The following RAB1A variants were observed in gnomAD, a reference collection of about 807,000 sequenced individuals.
RAB1A encodes the protein ras-related protein Rab-1A.
RAB1A carries 2 observed loss-of-function variants against 26.0 expected under a neutral mutation model. That is an observed-to-expected ratio of 0.08 (90% CI 0.03 to 0.24). RAB1A has a LOEUF of 0.24. Ranked by LOEUF, RAB1A falls within the 10% of genes least tolerant of loss-of-function variation. The pLI is 1.00. For missense variants in RAB1A, 100 were observed against 247.0 expected (o/e 0.40, Z 3.99); for synonymous variants, 84 against 84.9 (o/e 0.99, Z 0.06).
intron 1 of RAB1A, among the ~76,000 whole-genome samples, chr2:65,122,155 C>CAAA (rs57590844): frequency 1.3e-4 from 4 of 31,710 alleles, no homozygotes; most frequent in Non-Finnish European, 2.4e-4. Flanking sequence ...GACTCTATCT[C>CAAA]AAAAAAAAAA....
At chr2:65,100,328 G>C (rs971390512) in intron 2 of RAB1A, among the ~76,000 whole-genome samples, 1 of 150,392 alleles carries the variant, frequency 6.6e-6, no homozygotes, top group African/African-American at 2.5e-5. Context: ...TTGAACCCGG[G>C]AGGTGAAGGT....
chr2:65,129,255 G>A (rs1389503189), intron 1 of RAB1A, among the ~76,000 whole-genome samples: 1 of 149,294 alleles, frequency 6.7e-6, no homozygotes, highest in Admixed American at 6.7e-5. Flanking sequence ...GAGGGCAATG[G>A]ACCCGGCGAG....
At chr2:65,104,884 C>T (rs1161136566) in intron 1 of RAB1A, 78 bp from the exon 2 acceptor site, 1 of 1,155,228 alleles carries the variant, frequency 8.7e-7, no homozygotes, top group Non-Finnish European at 1.3e-6. Context: ...AAAAACACAG[C>T]TACAAATAAC....
intron 1 of RAB1A, among the ~76,000 whole-genome samples, chr2:65,121,163 G>A (rs1429566091): frequency 1.3e-5 from 2 of 150,372 alleles, no homozygotes; most frequent in Non-Finnish European, 2.9e-5. Flanking sequence ...GAGTACAGGA[G>A]GTTGAGACTG....
chr2:65,105,796 T>C (rs1669542645), intron 1 of RAB1A, among the ~76,000 whole-genome samples: 1 of 151,720 alleles, frequency 6.6e-6, no homozygotes, highest in Non-Finnish European at 1.5e-5. Flanking sequence ...GGAGTCTTGC[T>C]CTGTCACCCA....
intron 3 of RAB1A, among the ~76,000 whole-genome samples, chr2:65,096,842 A>G (rs957105956): frequency 2.6e-5 from 4 of 152,236 alleles, no homozygotes; most frequent in Admixed American, 1.3e-4. Context: ...TGGGCATGTC[A>G]TATCATAAGT....
intron 1 of RAB1A, among the ~76,000 whole-genome samples, chr2:65,127,228 T>C (rs1319540755): frequency 6.6e-6 from 1 of 152,206 alleles, no homozygotes; most frequent in Non-Finnish European, 1.5e-5. Context: ...TTATGAGCCA[T>C]TCCTCCTTCT....
chr2:65,115,358 TA>T lies in RAB1A; in HGVS notation c.24-10553del, dbSNP rs1440754151. On this transcript the variant is annotated intron_variant, in intron 1 of 5. Coordinates refer to ENST00000409784, the MANE Select transcript of RAB1A (RefSeq NM_004161.5). ...AACTACATACTATTTTAATAACCTT[TA>T]GGGGGTGAAACAATAAAAACTTCAG... 3.3e-5 allele frequency among the ~76,000 whole-genome samples: 5 copies of T among 152,306 alleles called. No homozygotes were observed. The South Asian group carries it at 8.3e-4, about 25-fold the overall frequency.
At position 65,098,022 on chromosome 2, in the gene RAB1A, A is replaced by G; in HGVS notation, c.141T>C (p.Asp47=). Residue 47 remains aspartate, a synonymous_variant, in exon 3 of 6, where the codon GAT becomes GAC. Transcript: ENST00000409784. The stretch of plus-strand genomic sequence containing the variant: ...CTAACTCTATAGTTCTTATTTTGAA[A>G]TCCACACCAATTGTGCTGATGTAGC... ...TESYISTIGV[D]FKIRTIELDG... 6.3e-7 allele frequency: 1 copy of G among 1,584,924 alleles called. No homozygotes were observed. Among genetic ancestry groups the G allele is most frequent in the South Asian group, 1.1e-5 (1 of 87,106 alleles).
At chr2:65,114,653 C>A (rs948847178) in intron 1 of RAB1A, among the ~76,000 whole-genome samples, 4 of 151,864 alleles carry the variant, frequency 2.6e-5, no homozygotes, top group Admixed American at 6.6e-5. Context: ...ACCATCCTGG[C>A]TAACAAGGTG....
intron 1 of RAB1A, among the ~76,000 whole-genome samples, chr2:65,118,721 G>A (rs781077690): frequency 4.6e-5 from 7 of 151,824 alleles, no homozygotes; most frequent in African/African-American, 9.7e-5. Flanking sequence ...CAGGCAATCC[G>A]CCCACCTCAG....
intron 1 of RAB1A, among the ~76,000 whole-genome samples, chr2:65,127,086 C>A (rs1212419870): frequency 6.6e-6 from 1 of 152,088 alleles, no homozygotes; most frequent in Non-Finnish European, 1.5e-5. Context: ...TATAGTAGGC[C>A]AGATACCCAT....
At chr2:65,093,543 G>A (rs1379915665) in intron 3 of RAB1A, among the ~76,000 whole-genome samples, 1 of 151,272 alleles carries the variant, frequency 6.6e-6, no homozygotes, top group Non-Finnish European at 1.5e-5. Flanking sequence ...TCAAGATTTT[G>A]AAAAGACCTA....
chr2:65,112,664 T>C (rs1306480930), intron 1 of RAB1A, among the ~76,000 whole-genome samples: 1 of 152,156 alleles, frequency 6.6e-6, no homozygotes, highest in Non-Finnish European at 1.5e-5. Flanking sequence ...TAAAAACAGT[T>C]AAGGTAAGAA....
chr2:65,118,313 T>A (rs1342267420), intron 1 of RAB1A, among the ~76,000 whole-genome samples: 1 of 152,244 alleles, frequency 6.6e-6, no homozygotes, highest in African/African-American at 2.4e-5. Flanking sequence ...TTGTATTAAC[T>A]GTTATATTGA....
intron 1 of RAB1A, among the ~76,000 whole-genome samples, chr2:65,115,981 C>G (rs1436181454): frequency 1.3e-5 from 2 of 151,930 alleles, no homozygotes; most frequent in Non-Finnish European, 2.9e-5. Flanking sequence ...CAAGGTAAAA[C>G]CCTATCTCTA....
chr2:65,114,121 T>A (rs1235012290), intron 1 of RAB1A: 1 of 471,030 alleles, frequency 2.1e-6, no homozygotes. Flanking sequence ...CAGCCACAAG[T>A]ATATGAAGTT....
chr2:65,107,550 G>C (rs138089487), intron 1 of RAB1A, among the ~76,000 whole-genome samples: 41 of 151,912 alleles, frequency 2.7e-4, no homozygotes, highest in Non-Finnish European at 5.3e-4. Flanking sequence ...GCAGTGGCTC[G>C]ATCTCGATTC....
At position 65,097,412 on chromosome 2, in the gene RAB1A, T is replaced by C. The variant is rs889146319; in HGVS notation, c.192+559A>G. Among the ~76,000 whole-genome samples the C allele has an allele frequency of 7.2e-5, 11 of 152,306 alleles. No individual in the cohort carries two copies. The East Asian group carries it at 1.7e-3, about 24-fold the overall frequency. ...GGTCACTTGGTTCTACCAGTAACTG[T>C]AGGCAAGTCATTAAATCTTTCAGCA... On this transcript the variant is annotated intron_variant, in intron 3 of 5. Coordinates refer to ENST00000409784, the MANE Select transcript of RAB1A (RefSeq NM_004161.5).
Sources: allele counts gnomAD v4.1 joint callset (sites outside exome capture counted in the v4.1 genomes callset), GRCh38; gene constraint gnomAD v4.1.1; transcripts MANE v1.5; gene names NCBI Gene and HGNC (gene_info 2026-07-23, HGNC 2026-07-21).